PKIB: variants seen among roughly 807,000 people sequenced by gnomAD.
The protein encoded by PKIB is cAMP-dependent protein kinase inhibitor beta, also known as PKI-beta.
PKIB carries 2 observed loss-of-function variants against 4.5 expected under a neutral mutation model. The observed-to-expected ratio is 0.44, with a 90% CI of 0.18 to 1.39. The LOEUF is 1.39. PKIB is among the 40% of genes most tolerant of loss of function. The pLI is 0.27. For synonymous variants in PKIB, 38 were observed against 36.0 expected, an observed-to-expected ratio of 1.06 and a Z score of -0.20; for missense variants, 94 against 92.6, an observed-to-expected ratio of 1.02 and a Z score of -0.06.
intron 2 of PKIB, among the ~76,000 whole-genome samples, chr6:122,535,586 G>A (rs959583866): frequency 6.6e-6 from 1 of 152,090 alleles, no homozygotes; most frequent in Non-Finnish European, 1.5e-5. Context: ...CTCTTTTGAG[G>A]CTCTTCTCTT....
intron 2 of PKIB, among the ~76,000 whole-genome samples, chr6:122,561,994 G>T (rs201668674): frequency 0.034 from 1,382 of 40,674 alleles, 46 homozygotes; most frequent in East Asian, 0.069. Context: ...GTTTGTTTTT[G>T]TTTTTTTTTG....
At chr6:122,690,915 GAT>G (rs55770226) in intron 3 of PKIB, among the ~76,000 whole-genome samples, 7 of 84,952 alleles carry the variant, frequency 8.2e-5, no homozygotes, top group African/African-American at 2.1e-4. Context: ...ATGCTTGAAG[GAT>G]ATATATATAT....
chr6:122,508,128 T>G (rs1298350842), intron 2 of PKIB, among the ~76,000 whole-genome samples: 2 of 152,212 alleles, frequency 1.3e-5, no homozygotes, highest in Non-Finnish European at 2.9e-5. Context: ...GCTACAGTAG[T>G]CTGGTCCATT....
At chr6:122,680,264 G>C (rs1015944282) in intron 3 of PKIB, among the ~76,000 whole-genome samples, 12 of 152,206 alleles carry the variant, frequency 7.9e-5, no homozygotes, top group Admixed American at 7.9e-4. Context: ...AGTATGGATT[G>C]CCATATAGAA....
At chr6:122,541,974 T>G (rs967007480) in intron 2 of PKIB, among the ~76,000 whole-genome samples, 17 of 152,096 alleles carry the variant, frequency 1.1e-4, no homozygotes, top group Non-Finnish European at 2.2e-4. Context: ...GTTGATCGCA[T>G]CGGCTCCTGA....
At chr6:122,641,457 A>G (rs1250340000) in intron 2 of PKIB, among the ~76,000 whole-genome samples, 1 of 152,208 alleles carries the variant, frequency 6.6e-6, no homozygotes, top group Non-Finnish European at 1.5e-5. Flanking sequence ...TGAAAATGGC[A>G]AAAGCTAAAC....
chr6:122,665,719 C>A (rs1777196142), intron 2 of PKIB, among the ~76,000 whole-genome samples: 1 of 152,056 alleles, frequency 6.6e-6, no homozygotes, highest in Non-Finnish European at 1.5e-5. Context: ...ACTGAAAATG[C>A]ATTTGAAATT....
chr6:122,634,505 C>T (rs1201499738), intron 2 of PKIB, among the ~76,000 whole-genome samples: 1 of 152,046 alleles, frequency 6.6e-6, no homozygotes, highest in South Asian at 2.1e-4. Context: ...GCAAGAGAAC[C>T]CAAGGTCAGC....
chr6:122,620,985 C>G (rs569835462), intron 1 of PKIB, among the ~76,000 whole-genome samples: 1 of 152,076 alleles, frequency 6.6e-6, no homozygotes, highest in Admixed American at 6.5e-5. Context: ...CTGACCATGT[C>G]GTTCCCTTGA....
At chr6:122,544,075 C>A (rs1468510949) in intron 2 of PKIB, among the ~76,000 whole-genome samples, 1 of 151,646 alleles carries the variant, frequency 6.6e-6, no homozygotes, top group African/African-American at 2.4e-5. Context: ...TTTATAAATA[C>A]CATAATCAAA....
intron 2 of PKIB, among the ~76,000 whole-genome samples, chr6:122,575,658 A>C (rs930936767): frequency 1.3e-5 from 2 of 152,206 alleles, no homozygotes; most frequent in African/African-American, 4.8e-5. Context: ...TAAGTGAAGT[A>C]ATGCTGGAAT....
intron 4 of PKIB, among the ~76,000 whole-genome samples, chr6:122,722,761 C>T (rs989028270): frequency 6.6e-6 from 1 of 152,188 alleles, no homozygotes; most frequent in Non-Finnish European, 1.5e-5. Flanking sequence ...TCCCAATTCT[C>T]CTCCAGCTAC....
At chr6:122,536,211 A>G (rs1030084661) in intron 2 of PKIB, among the ~76,000 whole-genome samples, 4 of 152,192 alleles carry the variant, frequency 2.6e-5, no homozygotes, top group Non-Finnish European at 2.9e-5. Flanking sequence ...AAGTGTTAAG[A>G]TTACAGGCGT....
chr6:122,635,447 A>G (rs1397850513), intron 2 of PKIB, among the ~76,000 whole-genome samples: 1 of 151,984 alleles, frequency 6.6e-6, no homozygotes, highest in African/African-American at 2.4e-5. Context: ...TACTAGAAAT[A>G]TACACTCTTA....
intron 3 of PKIB, among the ~76,000 whole-genome samples, chr6:122,600,980 T>C (rs9385261): frequency 0.11 from 16,145 of 151,314 alleles, 1,004 homozygotes; most frequent in East Asian, 0.18. Flanking sequence ...ATACGGAAGA[T>C]ATGGAAAAAA....
chr6:122,584,024 A>AT (rs1773782491), intron 2 of PKIB, among the ~76,000 whole-genome samples: 1 of 152,030 alleles, frequency 6.6e-6, no homozygotes, highest in Admixed American at 6.6e-5. Context: ...TTTCTCTGGT[A>AT]TTTTTCTGGT....
At chr6:122,532,464 T>C (rs537567209) in intron 2 of PKIB, among the ~76,000 whole-genome samples, 6 of 152,170 alleles carry the variant, frequency 3.9e-5, no homozygotes, top group Non-Finnish European at 8.8e-5. Flanking sequence ...TGTTGTGTAA[T>C]CATCACCACT....
rs188432703 is a variant in PKIB, at chr6:122,582,512, A to G, written c.-247-3409A>G. On this transcript the variant is annotated intron_variant, in intron 2 of 6. Transcript: ENST00000392491. ...CTGAATTTTATTTTTCTCAAAAGCC[A>G]TTTGCACTAATGTTTGTATTATAAA... Among the ~76,000 whole-genome samples the G allele has an allele frequency of 9.9e-5, 15 of 152,206 alleles. No individual in the cohort carries two copies. The East Asian group carries it at 2.9e-3, about 29-fold the overall frequency.
chr6:122,541,767 C>G (rs1420443638), intron 2 of PKIB, among the ~76,000 whole-genome samples: 1 of 151,906 alleles, frequency 6.6e-6, no homozygotes, highest in Non-Finnish European at 1.5e-5. Flanking sequence ...GGATAATATC[C>G]TGCAGAGTGT....
Sources: gnomAD v4.1 joint callset for allele counts (sites outside exome capture counted in the v4.1 genomes callset) on GRCh38, gnomAD v4.1.1 for gene constraint, MANE v1.5 for transcripts, NCBI Gene and HGNC (gene_info 2026-07-23, HGNC 2026-07-21) for gene names.